The following TMEM97 variants were observed in gnomAD, a reference collection of about 807,000 sequenced individuals.
The protein encoded by TMEM97 is sigma intracellular receptor 2.
Under a neutral mutation model 18.3 loss-of-function variants are expected in TMEM97, and 13 were observed. That is an observed-to-expected ratio of 0.71 (90% CI 0.46 to 1.13). The LOEUF is 1.13. Ranked by LOEUF, TMEM97 falls within the 50% of genes most tolerant of loss-of-function variation. TMEM97 has a pLI of 0.00. For missense variants in TMEM97, 205 were observed against 210.5 expected, an observed-to-expected ratio of 0.97 and a Z score of 0.16; for synonymous variants, 76 against 85.3, an observed-to-expected ratio of 0.89 and a Z score of 0.60.
Position 28,319,380 on chromosome 17 carries a change from T to G in TMEM97, c.126+15T>G. 6.5e-7 allele frequency: 1 copy of G among 1,546,014 alleles called. No homozygotes were observed. The highest frequency in any genetic ancestry group is 8.7e-7 in the Non-Finnish European group (1 of 1,151,846). On this transcript the variant is annotated intron_variant, in intron 1 of 2. Coordinates refer to ENST00000226230, the MANE Select transcript of TMEM97 (RefSeq NM_014573.3). ...ACCCAGTCGAGGTGAGGGGCGCCCC[T>G]CTTATCCCGGCCCGCTGAGGCTCTC... is the stretch of plus-strand genomic sequence containing the variant.
intron 1 of TMEM97, among the ~76,000 whole-genome samples, chr17:28,321,660 C>T (rs1464917388): frequency 7.9e-5 from 12 of 152,112 alleles, no homozygotes; most frequent in African/African-American, 2.9e-4. Context: ...CTTCTGGGCT[C>T]AAGCCATCCT....
chr17:28,321,420 T>C (rs1206281811), intron 1 of TMEM97, among the ~76,000 whole-genome samples: 1 of 152,154 alleles, frequency 6.6e-6, no homozygotes, highest in Non-Finnish European at 1.5e-5. Context: ...CCCATTTAAA[T>C]GTTTACATTT....
rs183657898 is a variant in TMEM97, at chr17:28,327,144, T to G, written c.*351T>G. 4.9e-3 allele frequency: 1,083 copies of G among 220,226 alleles called. 13 individuals are homozygous for G. Among genetic ancestry groups the G allele is most frequent in the African/African-American group, 0.022 (959 of 43,964 alleles). The allele number at this position is 220,226 out of a possible 1,614,324, so 13.6% of individuals were successfully genotyped here. On this transcript the variant is annotated 3_prime_UTR_variant, in exon 3 of 3. Transcript: ENST00000226230. ...GTATGGCTAATTTGTTTTGTTTTTT[T>G]TGTGTGTGTGGAGACAGGGTTTTGC...
At chr17:28,322,899 G>T (rs1555575048) in intron 1 of TMEM97, among the ~76,000 whole-genome samples, 1 of 152,222 alleles carries the variant, frequency 6.6e-6, no homozygotes, top group East Asian at 1.9e-4. Flanking sequence ...TTAATGACCA[G>T]TCGTGAGCTG....
At position 28,327,092 on chromosome 17, in the gene TMEM97, G is replaced by A. The variant is rs1422296816; in HGVS notation, c.*299G>A. 19 of 370,104 alleles carry A rather than the reference G, an allele frequency of 5.1e-5. No individual in the cohort carries two copies. The highest frequency in any genetic ancestry group is 3.5e-4 in the African/African-American group (17 of 48,886). The allele number at this position is 370,104 out of a possible 1,614,324, so 22.9% of individuals were successfully genotyped here. ...GCCATCTTCCTTAGCCTCCCAAGTA[G>A]CTAGAACTACAGGTGTGTACCAACA... On this transcript the variant is annotated 3_prime_UTR_variant, in exon 3 of 3. Transcript: ENST00000226230.
intron 1 of TMEM97, among the ~76,000 whole-genome samples, chr17:28,320,814 T>A (rs1349959416): frequency 2.6e-5 from 4 of 152,234 alleles, no homozygotes; most frequent in African/African-American, 9.7e-5. Context: ...GTTCCTTGGC[T>A]TGTGTTCACG....
At chr17:28,325,065 A>G (rs1906280026) in intron 1 of TMEM97, among the ~76,000 whole-genome samples, 1 of 152,090 alleles carries the variant, frequency 6.6e-6, no homozygotes, top group Non-Finnish European at 1.5e-5. Context: ...CAAAAGGGAA[A>G]GTGTCAGGAT....
At chr17:28,326,224 C>T (rs1906326944) in intron 2 of TMEM97, among the ~76,000 whole-genome samples, 2 of 152,210 alleles carry the variant, frequency 1.3e-5, no homozygotes. Flanking sequence ...AAACAGATGC[C>T]ATGGGGCAGG....
chr17:28,323,555 C>T lies in TMEM97; in HGVS notation c.127-1948C>T, dbSNP rs150420149. ...CTAGGATTACAGGCGTGAGCCACCA[C>T]ACCCAGCTAATTTTTGTATTTTTAG... On this transcript the variant is annotated intron_variant, in intron 1 of 2. Transcript: ENST00000226230. 5.9e-3 allele frequency among the ~76,000 whole-genome samples: 901 copies of T among 152,178 alleles called. 12 individuals carry two copies. Among genetic ancestry groups the T allele is most frequent in the African/African-American group, 0.021 (857 of 41,498 alleles).
intron 2 of TMEM97, 48 bp from the exon 3 acceptor site, chr17:28,326,483 TTTG>T: frequency 6.3e-7 from 1 of 1,577,554 alleles, no homozygotes; most frequent in Non-Finnish European, 8.6e-7. Context: ...CATGGACACC[TTTG>T]AGTCATGAAC....
chr17:28,326,929 G>C lies in TMEM97; in HGVS notation c.*136G>C. The stretch of plus-strand genomic sequence containing the variant: ...GGCAGCAATGCACAAGAGCAAGATG[G>C]TGTCAGGAACCATGTCAAACCCTCA... On this transcript the variant is annotated 3_prime_UTR_variant, in exon 3 of 3. Transcript: ENST00000226230. The C allele has an allele frequency of 2.7e-6, 3 of 1,128,152 alleles. No individual in the cohort carries two copies. Among genetic ancestry groups the C allele is most frequent in the Non-Finnish European group, 3.8e-6 (3 of 796,520 alleles). The allele number at this position is 1,128,152 out of a possible 1,614,324, so 69.9% of individuals were successfully genotyped here. A position where few individuals can be genotyped will look rare whatever the true frequency, so the allele number is the denominator to read the frequency against.
At position 28,319,352 on chromosome 17, in the gene TMEM97, T is replaced by C. The variant is rs1906041029; in HGVS notation, c.113T>C (p.Leu38Pro). 6.2e-7 allele frequency: 1 copy of C among 1,603,500 alleles called. No homozygotes were observed. The highest frequency in any genetic ancestry group is 8.5e-7 in the Non-Finnish European group (1 of 1,174,976). ...CTGCAGGCGGTGCTGCCGCGCGAGC[T>C]CTACCCAGTCGAGGTGAGGGGCGCC... ...MDLQAVLPRE[L>P]YPVEFRNLLK... Residue 38 changes from leucine (L) to proline (P), a missense_variant, in exon 1 of 3, where the codon CTC becomes CCC. By Grantham distance (98) the Leu-to-Pro change is moderately conservative (BLOSUM62 -3). Transcript: ENST00000226230.
Position 28,326,800 on chromosome 17 carries a change from C to T in TMEM97, c.*7C>T, listed in dbSNP as rs782346870. 1 of 1,608,382 alleles carries T rather than the reference C, an allele frequency of 6.2e-7. No individual in the cohort carries two copies. The highest frequency in any genetic ancestry group is 1.1e-5 in the South Asian group (1 of 90,864). ...GAAAAGAAAAAAAAAATGAAGGAAA[C>T]AACCACTGGCCCAGGGTAGAGATGC... On this transcript the variant is annotated 3_prime_UTR_variant, in exon 3 of 3. Transcript: ENST00000226230.
At chr17:28,323,134 C>T (rs782309177) in intron 1 of TMEM97, among the ~76,000 whole-genome samples, 11 of 152,052 alleles carry the variant, frequency 7.2e-5, no homozygotes, top group Non-Finnish European at 1.2e-4. Flanking sequence ...GTCCTACACG[C>T]CTCACCCATC....
At chr17:28,322,434 G>C (rs1237141471) in intron 1 of TMEM97, among the ~76,000 whole-genome samples, 1 of 151,764 alleles carries the variant, frequency 6.6e-6, no homozygotes, top group Non-Finnish European at 1.5e-5. Flanking sequence ...GTTATAGATG[G>C]TGTTTCACCA....
chr17:28,323,902 G>GT (rs141112007), intron 1 of TMEM97, among the ~76,000 whole-genome samples: 328 of 152,292 alleles, frequency 2.2e-3, no homozygotes, highest in Non-Finnish European at 4.0e-3. Flanking sequence ...GGAAGCTGAG[G>GT]TGACAGAATC....
intron 1 of TMEM97, among the ~76,000 whole-genome samples, chr17:28,325,074 A>G (rs1906280315): frequency 6.6e-6 from 1 of 151,278 alleles, no homozygotes. Flanking sequence ...AAGTGTCAGG[A>G]TGGTTTTCAT....
At chr17:28,323,371 A>G (rs1597778890) in intron 1 of TMEM97, among the ~76,000 whole-genome samples, 1 of 152,258 alleles carries the variant, frequency 6.6e-6, no homozygotes, top group Non-Finnish European at 1.5e-5. Flanking sequence ...TAGTTGGATC[A>G]GAGAGGTTGT....
rs1906408785 is a variant in TMEM97, at chr17:28,327,485, TTA to T, written c.*694_*695del. 1 of 152,280 alleles carries T rather than the reference TTA, an allele frequency of 6.6e-6. No individual in the cohort carries two copies. 9.4% of individuals were successfully genotyped at this position (152,280 alleles called of 1,614,324 possible). A position where few individuals can be genotyped will look rare whatever the true frequency, so the allele number is the denominator to read the frequency against. On this transcript the variant is annotated 3_prime_UTR_variant, in exon 3 of 3. Transcript: ENST00000226230. ...GTCACCTGACCCACAGCATATATGC[TTA>T]TGACTAAACCCTCCACTCCTGATTC...
Sources: gnomAD v4.1 joint callset for allele counts (sites outside exome capture counted in the v4.1 genomes callset) on GRCh38, gnomAD v4.1.1 for gene constraint, MANE v1.5 for transcripts, NCBI Gene and HGNC (gene_info 2026-07-23, HGNC 2026-07-21) for gene names.